The following SLC24A5 variants were observed in gnomAD, a reference collection of about 807,000 sequenced individuals.
The protein encoded by SLC24A5 is solute carrier family 24 member 5, also known as sodium/potassium/calcium exchanger 5.
A neutral mutation model predicts 51.6 loss-of-function variants in SLC24A5; 46 were observed. The ratio of observed to expected loss-of-function variants is 0.89; its 90% confidence interval spans 0.70 to 1.14. The LOEUF is 1.14. SLC24A5 is among the 50% of genes most tolerant of loss of function. The pLI is 0.00. For synonymous variants in SLC24A5, 230 were observed against 214.9 expected, an observed-to-expected ratio of 1.07 and a Z score of -0.62; for missense variants, 581 against 604.1, an observed-to-expected ratio of 0.96 and a Z score of 0.40.
At chr15:48,127,273 AG>A (rs2140712499) in intron 2 of SLC24A5, among the ~76,000 whole-genome samples, 1 of 152,330 alleles carries the variant, frequency 6.6e-6, no homozygotes, top group African/African-American at 2.4e-5. Flanking sequence ...TTGTTACATA[AG>A]AACAGACTAC....
chr15:48,123,692 A>G (rs1477417925), intron 2 of SLC24A5: 1 of 152,120 alleles, frequency 6.6e-6, no homozygotes, highest in Non-Finnish European at 1.5e-5. Flanking sequence ...AAATCTTTGC[A>G]CACCTCTCTG....
chr15:48,127,854 A>T (rs577504132), intron 2 of SLC24A5, among the ~76,000 whole-genome samples: 1 of 152,080 alleles, frequency 6.6e-6, no homozygotes, highest in South Asian at 2.1e-4. Flanking sequence ...ATTAAAATTA[A>T]AAAATATTCT....
intron 2 of SLC24A5, 71 bp from the exon 3 acceptor site, chr15:48,134,187 C>G: frequency 8.2e-7 from 1 of 1,222,870 alleles, no homozygotes; most frequent in Non-Finnish European, 1.2e-6. Flanking sequence ...CTTTGAGTAT[C>G]TATTGTGTTT....
intron 6 of SLC24A5, chr15:48,137,628 TG>T (rs1232308227): frequency 6.6e-6 from 1 of 151,792 alleles, no homozygotes; most frequent in Non-Finnish European, 1.5e-5. Flanking sequence ...GTGAAAGTGG[TG>T]GGAATAAATG....
intron 5 of SLC24A5, chr15:48,136,309 A>G (rs2038898112): frequency 1.2e-5 from 2 of 161,140 alleles, no homozygotes; most frequent in Admixed American, 6.4e-5. Flanking sequence ...TGGGGAATGT[A>G]TTATGCCAAT....
chr15:48,141,134 A>G lies in SLC24A5; in HGVS notation c.1100A>G (p.Asp367Gly). ...TITGETLEIP[D>G]TVMGLTLLAA... ...ACAGGGGAAACACTAGAAATTCCCG[A>G]TACAGTAATGGGCCTTACTTTATTA... The change falls in exon 8 of 9, where the codon GAT becomes GGT. Residue 367 changes from aspartate (D) to glycine (G), a missense_variant. Transcript: ENST00000341459. The G allele has an allele frequency of 1.2e-6, 2 of 1,613,576 alleles. No individual in the cohort carries two copies. The highest frequency in any genetic ancestry group is 1.7e-6 in the Non-Finnish European group (2 of 1,179,588).
chr15:48,132,377 A>T (rs1439589920), intron 2 of SLC24A5, among the ~76,000 whole-genome samples: 1 of 151,858 alleles, frequency 6.6e-6, no homozygotes. Context: ...CTCTAACATC[A>T]TACCTATTTT....
chr15:48,133,065 G>A (rs998904401), intron 2 of SLC24A5, among the ~76,000 whole-genome samples: 3 of 151,986 alleles, frequency 2.0e-5, no homozygotes, highest in Non-Finnish European at 2.9e-5. Flanking sequence ...GCAACAGGTG[G>A]TCCCAGAGAC....
intron 2 of SLC24A5, among the ~76,000 whole-genome samples, chr15:48,127,197 C>T (rs897967044): frequency 1.4e-4 from 21 of 152,208 alleles, no homozygotes; most frequent in Admixed American, 3.9e-4. Context: ...GACAAGTGCA[C>T]GAAGAAACAC....
intron 5 of SLC24A5, 96 bp downstream of exon 5, chr15:48,135,080 A>C: frequency 1.2e-6 from 1 of 866,696 alleles, no homozygotes; most frequent in Non-Finnish European, 1.9e-6. Context: ...TCAGTCACTT[A>C]ATCTGCCACT....
chr15:48,127,505 A>G (rs967602507), intron 2 of SLC24A5, among the ~76,000 whole-genome samples: 12 of 152,244 alleles, frequency 7.9e-5, no homozygotes, highest in Non-Finnish European at 1.6e-4. Flanking sequence ...ACTTTAAAGT[A>G]TACCTTAAAT....
chr15:48,141,939 A>C (rs1019384706), intron 8 of SLC24A5, 90 bp from the exon 9 acceptor site: 29 of 997,140 alleles, frequency 2.9e-5, no homozygotes, highest in Non-Finnish European at 4.1e-5. Context: ...TCAACAACAA[A>C]AAAGTATCCA....
At position 48,121,023 on chromosome 15, in the gene SLC24A5, C is replaced by T. The variant is rs751687525; in HGVS notation, c.-22C>T. On this transcript the variant is annotated 5_prime_UTR_variant, in exon 1 of 9. Transcript: ENST00000341459. ...TCTTCTCCCTTCCTGAAGCTGCACGCTGCAGTAAGAGCACAGCAGAAATGC... is the reference window on the plus strand; with the variant it reads ...TCTTCTCCCTTCCTGAAGCTGCACGTTGCAGTAAGAGCACAGCAGAAATGC... The T allele has an allele frequency of 1.2e-6, 2 of 1,610,702 alleles. No homozygotes were observed. Among genetic ancestry groups the T allele is most frequent in the African/African-American group, 2.7e-5 (2 of 74,948 alleles).
chr15:48,139,258 T>C, intron 7 of SLC24A5, 83 bp downstream of exon 7: 1 of 1,151,432 alleles, frequency 8.7e-7, no homozygotes, highest in Non-Finnish European at 1.3e-6. Flanking sequence ...GTAGTCTAGC[T>C]ACACAGCAAA....
rs933137716 is a variant in SLC24A5 at position 48,137,030 on chromosome 15, A to G, written c.871+67A>G. The G allele has an allele frequency of 1.1e-5, 17 of 1,484,324 alleles. No homozygotes were observed. In the African/African-American group the frequency reaches 2.2e-4, roughly 20 times the overall value. 91.9% of individuals were successfully genotyped at this position (1,484,324 alleles called of 1,614,324 possible). A position where few individuals can be genotyped will look rare whatever the true frequency, so the allele number is the denominator to read the frequency against. On this transcript the variant is annotated intron_variant, in intron 6 of 8. Coordinates refer to ENST00000341459, the MANE Select transcript of SLC24A5 (RefSeq NM_205850.3). The stretch of plus-strand genomic sequence containing the variant: ...GGAAAAACTTTAAAATTTCATTTCA[A>G]TTCAGCAAGTATTGTGTGCTTTTTA...
chr15:48,139,414 C>A, intron 7 of SLC24A5: 1 of 317,468 alleles, frequency 3.1e-6, no homozygotes, highest in African/African-American at 2.1e-5. Context: ...TTCAAGAGAT[C>A]TTATAAATGA....
intron 7 of SLC24A5, chr15:48,139,529 A>G (rs2140757840): frequency 6.2e-6 from 1 of 160,928 alleles, no homozygotes; most frequent in South Asian, 1.9e-4. Flanking sequence ...AATAAAAAAA[A>G]AAAAGAACAA....
chr15:48,123,680 T>A (rs1390669702), intron 2 of SLC24A5: 1 of 152,204 alleles, frequency 6.6e-6, no homozygotes, highest in Non-Finnish European at 1.5e-5. Flanking sequence ...CATAATTGTA[T>A]AAAATCTTTG....
chr15:48,140,215 C>G (rs913748776), intron 7 of SLC24A5: 7 of 151,892 alleles, frequency 4.6e-5, no homozygotes, highest in Non-Finnish European at 4.4e-5. Flanking sequence ...TAATAGATCA[C>G]AGAACAGCCC....
Sources: gnomAD v4.1 joint callset for allele counts (sites outside exome capture counted in the v4.1 genomes callset) on GRCh38, gnomAD v4.1.1 for gene constraint, MANE v1.5 for transcripts, NCBI Gene and HGNC (gene_info 2026-07-23, HGNC 2026-07-21) for gene names.